Variants in UXS1 observed in about 807,000 individuals in gnomAD.
UXS1 encodes the protein UDP-glucuronate decarboxylase 1, also known as UDP-glucuronic acid decarboxylase 1.
In UXS1, 33 loss-of-function variants were observed where a neutral mutation model predicts 62.6. The observed-to-expected ratio is 0.53, with a 90% CI of 0.40 to 0.70. UXS1 has a LOEUF of 0.70. Ranked by LOEUF, UXS1 falls within the 30% of genes least tolerant of loss-of-function variation. UXS1 has a pLI of 0.00. For synonymous variants in UXS1, 213 were observed against 206.8 expected, an observed-to-expected ratio of 1.03 and a Z score of -0.26; for missense variants, 434 against 556.3, an observed-to-expected ratio of 0.78 and a Z score of 2.21.
At chr2:106,159,389 A>G (rs534401475) in intron 4 of UXS1, 1 of 152,358 alleles carries the variant, frequency 6.6e-6, no homozygotes, top group East Asian at 1.9e-4. Context: ...GTCCCTGGTA[A>G]AACGACTGAG....
chr2:106,161,251 G>A (rs920713322), intron 4 of UXS1, among the ~76,000 whole-genome samples: 10 of 151,940 alleles, frequency 6.6e-5, no homozygotes, highest in Non-Finnish European at 1.3e-4. Flanking sequence ...GGAGTGTAGC[G>A]GCATAATCAC....
At chr2:106,148,829 C>A (rs1681788965) in intron 5 of UXS1, among the ~76,000 whole-genome samples, 1 of 152,156 alleles carries the variant, frequency 6.6e-6, no homozygotes, top group Admixed American at 6.5e-5. Context: ...GGAGCTAATA[C>A]CCAAAAGAGA....
chr2:106,103,328 ATAT>A (rs1677752350), intron 11 of UXS1, among the ~76,000 whole-genome samples: 1 of 152,216 alleles, frequency 6.6e-6, no homozygotes, highest in South Asian at 2.1e-4. Flanking sequence ...CATCTCATTG[ATAT>A]TCCATGTGGT....
intron 1 of UXS1, among the ~76,000 whole-genome samples, chr2:106,169,583 G>A (rs980215347): frequency 9.2e-5 from 14 of 152,136 alleles, no homozygotes; most frequent in Admixed American, 6.6e-4. Flanking sequence ...GCTACATGGC[G>A]GGGGCAGAAG....
At chr2:106,147,221 C>T (rs1681650143) in intron 5 of UXS1, among the ~76,000 whole-genome samples, 2 of 152,164 alleles carry the variant, frequency 1.3e-5, no homozygotes, top group African/African-American at 4.8e-5. Context: ...ACCTGAAAAG[C>T]TGAGTTCCCA....
chr2:106,112,636 C>T lies in UXS1; in HGVS notation c.879+10G>A, dbSNP rs1196971969. ...TGCAAGGTGCTCCCTGAGCCGAGGC[C>T]AGCACCTACCGTGAGTGGCTCCCCC... On this transcript the variant is annotated intron_variant, in intron 10 of 14. Transcript: ENST00000283148. The T allele has an allele frequency of 6.2e-7, 1 of 1,613,574 alleles. No individual in the cohort carries two copies. Among genetic ancestry groups the T allele is most frequent in the Non-Finnish European group, 8.5e-7 (1 of 1,179,814 alleles).
At chr2:106,128,761 A>T (rs1243904341) in intron 7 of UXS1, among the ~76,000 whole-genome samples, 1 of 152,186 alleles carries the variant, frequency 6.6e-6, no homozygotes, top group African/African-American at 2.4e-5. Context: ...TCTTCTGTAG[A>T]ACCTTGACTA....
At chr2:106,152,251 A>G (rs951078860) in intron 5 of UXS1, among the ~76,000 whole-genome samples, 7 of 152,204 alleles carry the variant, frequency 4.6e-5, no homozygotes, top group African/African-American at 1.7e-4. Flanking sequence ...CAGGAGTTCA[A>G]GACCAGCCTG....
At chr2:106,178,943 C>T (rs1002822419) in intron 1 of UXS1, among the ~76,000 whole-genome samples, 1 of 152,214 alleles carries the variant, frequency 6.6e-6, no homozygotes, top group South Asian at 2.1e-4. Flanking sequence ...TTTTCTCTAA[C>T]GGACAGCAGG....
chr2:106,098,707 C>G lies in UXS1; in HGVS notation c.1042+9G>C, dbSNP rs377037286. Reference sequence around the variant, plus strand: ...CGATTTTACTCAGGAAATGACTTATCCTACTTACCAACAAGGTTTTTAATT... The same window carrying G: ...CGATTTTACTCAGGAAATGACTTATGCTACTTACCAACAAGGTTTTTAATT... On this transcript the variant is annotated intron_variant, in intron 13 of 14. Transcript: ENST00000283148. The G allele has an allele frequency of 5.1e-6, 8 of 1,568,890 alleles. No homozygotes were observed. In the African/African-American group the frequency reaches 6.8e-5, roughly 13 times the overall value.
chr2:106,107,410 G>T (rs1160405871), intron 10 of UXS1, among the ~76,000 whole-genome samples: 36 of 152,208 alleles, frequency 2.4e-4, no homozygotes, highest in Admixed American at 1.2e-3. Context: ...CTCTCAGAGA[G>T]GAGCCATGGA....
Position 106,163,726 on chromosome 2 carries a change from C to A in UXS1, c.187-16G>T. The A allele has an allele frequency of 7.1e-7, 1 of 1,415,038 alleles. No individual in the cohort carries two copies. The highest frequency in any genetic ancestry group is 9.3e-7 in the Non-Finnish European group (1 of 1,073,046). 87.7% of individuals were successfully genotyped at this position (1,415,038 alleles called of 1,614,324 possible). A position where few individuals can be genotyped will look rare whatever the true frequency, so the allele number is the denominator to read the frequency against. ...GTTCAACCATCTAGAACAATAATAACAAAAATCAGTTTTAAAGCAAAAACA... is the reference window on the plus strand; with the variant it reads ...GTTCAACCATCTAGAACAATAATAAAAAAAATCAGTTTTAAAGCAAAAACA... On this transcript the variant is annotated splice_polypyrimidine_tract_variant and intron_variant, in intron 3 of 14. Transcript: ENST00000283148.
At chr2:106,097,214 C>T (rs1558669249) in intron 13 of UXS1, 2 of 459,564 alleles carry the variant, frequency 4.4e-6, no homozygotes, top group Non-Finnish European at 8.7e-6. Context: ...GTGGGGCCAT[C>T]CCTGAGGTGG....
chr2:106,163,714 G>T lies in UXS1; in HGVS notation c.187-4C>A. 1 of 1,431,544 alleles carries T rather than the reference G, an allele frequency of 7.0e-7. No homozygotes were observed. The allele number at this position is 1,431,544 out of a possible 1,614,324, so 88.7% of individuals were successfully genotyped here. A position where few individuals can be genotyped will look rare whatever the true frequency, so the allele number is the denominator to read the frequency against. On this transcript the variant is annotated splice_region_variant and splice_polypyrimidine_tract_variant and intron_variant, in intron 3 of 14. Coordinates refer to ENST00000283148, the MANE Select transcript of UXS1 (RefSeq NM_001253875.2). ...TCTCTCTTAGTGGTTCAACCATCTA[G>T]AACAATAATAACAAAAATCAGTTTT...
At chr2:106,142,923 A>ATGTATG (rs1553429542) in intron 6 of UXS1, among the ~76,000 whole-genome samples, 1 of 148,960 alleles carries the variant, frequency 6.7e-6, no homozygotes, top group African/African-American at 2.5e-5. Flanking sequence ...GTTTGCATGT[A>ATGTATG]TGTGTGTGTG....
At position 106,129,662 on chromosome 2, in the gene UXS1, A is replaced by C; in HGVS notation, c.577+12T>G. On this transcript the variant is annotated intron_variant, in intron 7 of 14. Transcript: ENST00000283148. Reference sequence around the variant, plus strand: ...CAGCAACAGCCAAAAAAACAAGAAAATGACAACTTACCCAACATGTTTAAT... The same window carrying C: ...CAGCAACAGCCAAAAAAACAAGAAACTGACAACTTACCCAACATGTTTAAT... The C allele has an allele frequency of 2.5e-6, 4 of 1,595,044 alleles. No homozygotes were observed. The highest frequency in any genetic ancestry group is 3.4e-6 in the Non-Finnish European group (4 of 1,166,662).
chr2:106,177,368 G>T (rs1226288005), intron 1 of UXS1, among the ~76,000 whole-genome samples: 1 of 151,910 alleles, frequency 6.6e-6, no homozygotes, highest in Non-Finnish European at 1.5e-5. Flanking sequence ...GCTAATTTTT[G>T]TATTTTTAGT....
In UXS1 at chr2:106,194,267, C is replaced by G; in HGVS notation, c.-26G>C. On this transcript the variant is annotated 5_prime_UTR_variant, in exon 1 of 15. Transcript: ENST00000283148. ...CCCCGGGAGCCGCGCGGGTCCAGGG[C>G]CCTACCGCGCGGGGGCCCGCCTGCT... 7.6e-7 allele frequency: 1 copy of G among 1,320,246 alleles called. No homozygotes were observed. The allele number at this position is 1,320,246 out of a possible 1,614,324, so 81.8% of individuals were successfully genotyped here.
At chr2:106,112,883 A>G (rs900624093) in intron 9 of UXS1, 118 bp from the exon 10 acceptor site, 1 of 1,434,018 alleles carries the variant, frequency 7.0e-7, no homozygotes, top group Admixed American at 2.5e-5. Flanking sequence ...TCCATTCCAA[A>G]ATGGAAATGG....
Sources: allele counts gnomAD v4.1 joint callset (sites outside exome capture counted in the v4.1 genomes callset), GRCh38; gene constraint gnomAD v4.1.1; transcripts MANE v1.5; gene names NCBI Gene and HGNC (gene_info 2026-07-23, HGNC 2026-07-21).